PAK5: variants seen among roughly 807,000 people sequenced by gnomAD.
PAK5 encodes p21 (RAC1) activated kinase 5, also known as serine/threonine-protein kinase PAK 5.
In PAK5, 16 loss-of-function variants were observed where a neutral mutation model predicts 65.9. That is an observed-to-expected ratio of 0.24 (90% CI 0.16 to 0.37). PAK5 has a LOEUF of 0.37. PAK5 is among the 10% of genes least tolerant of loss of function. The pLI, the probability that PAK5 is intolerant of heterozygous loss-of-function variation, is 1.00. For missense variants in PAK5, 785 were observed against 903.9 expected (o/e 0.87, Z 1.69); for synonymous variants, 371 against 354.9 (o/e 1.05, Z -0.51).
At chr20:9,558,396 G>A (rs1478332572) in intron 6 of PAK5, among the ~76,000 whole-genome samples, 11 of 152,068 alleles carry the variant, frequency 7.2e-5, no homozygotes, top group African/African-American at 2.4e-4. Context: ...ATTACAGACA[G>A]GAGCCACTGT....
intron 1 of PAK5, among the ~76,000 whole-genome samples, chr20:9,749,442 A>C (rs1005686380): frequency 6.6e-6 from 1 of 152,312 alleles, no homozygotes; most frequent in South Asian, 2.1e-4. Context: ...AAAAATCCTG[A>C]TGACAATGAT....
At position 9,758,849 on chromosome 20, in the gene PAK5, G is replaced by A. The variant is rs116186489; in HGVS notation, c.-161-47414C>T. On this transcript the variant is annotated intron_variant, in intron 1 of 9. Transcript: ENST00000353224. ...CCACAGGCTCCCTTCTTTATAAATT[G>A]TCTACTTTGTCTTCTGCCTGGAGGC... Among the ~76,000 whole-genome samples, 598 of 152,154 alleles carry A rather than the reference G, an allele frequency of 3.9e-3. 6 individuals are homozygous for A. The highest frequency in any genetic ancestry group is 0.014 in the African/African-American group (570 of 41,518).
At chr20:9,683,368 A>C (rs2047675693) in intron 2 of PAK5, among the ~76,000 whole-genome samples, 1 of 152,216 alleles carries the variant, frequency 6.6e-6, no homozygotes, top group Admixed American at 6.5e-5. Flanking sequence ...ATTTCTCAGA[A>C]ATTTCAGAAA....
chr20:9,835,911 A>G (rs1190043149), intron 1 of PAK5, among the ~76,000 whole-genome samples: 1 of 152,088 alleles, frequency 6.6e-6, no homozygotes, highest in Non-Finnish European at 1.5e-5. Flanking sequence ...TATTTAATGC[A>G]TTTTGGTTTT....
At chr20:9,690,630 C>T (rs1216842395) in intron 2 of PAK5, among the ~76,000 whole-genome samples, 1 of 151,932 alleles carries the variant, frequency 6.6e-6, no homozygotes, top group Non-Finnish European at 1.5e-5. Flanking sequence ...GCCCCTGCTT[C>T]CCACCCTGGA....
intron 1 of PAK5, among the ~76,000 whole-genome samples, chr20:9,735,907 T>A (rs2048383907): frequency 6.6e-6 from 1 of 151,480 alleles, no homozygotes; most frequent in Non-Finnish European, 1.5e-5. Flanking sequence ...AATCTATTTT[T>A]TTTTTTTTTT....
intron 1 of PAK5, among the ~76,000 whole-genome samples, chr20:9,751,734 A>G (rs2048579309): frequency 2.0e-5 from 3 of 152,160 alleles, no homozygotes; most frequent in Admixed American, 2.0e-4. Flanking sequence ...CTATTTCCAT[A>G]ACAAAAGATC....
At chr20:9,547,956 G>A (rs891161494) in intron 7 of PAK5, among the ~76,000 whole-genome samples, 3 of 152,242 alleles carry the variant, frequency 2.0e-5, no homozygotes, top group African/African-American at 7.2e-5. Flanking sequence ...GGGGATAAGG[G>A]GGCATTTGTT....
Position 9,537,745 on chromosome 20 carries a change from G to A in PAK5, c.*1717C>T, listed in dbSNP as rs1045762. 0.43 allele frequency: 94,349 copies of A among 220,116 alleles called. 24,695 individuals are homozygous for A. Among genetic ancestry groups the A allele is most frequent in the African/African-American group, 0.8 (35,484 of 44,548 alleles). The allele number at this position is 220,116 out of a possible 1,614,324, so 13.6% of individuals were successfully genotyped here. A position where few individuals can be genotyped will look rare whatever the true frequency, so the allele number is the denominator to read the frequency against. On this transcript the variant is annotated 3_prime_UTR_variant, in exon 10 of 10. Coordinates refer to ENST00000353224, the MANE Select transcript of PAK5 (RefSeq NM_177990.4). ...TTTATTCTCACATATTTATATTAAT[G>A]CTTTAATATTTTACATAAAACATTG...
At position 9,538,649 on chromosome 20, in the gene PAK5, G is replaced by T. The variant is rs560076343; in HGVS notation, c.*813C>A. 1 of 233,320 alleles carries T rather than the reference G, an allele frequency of 4.3e-6. No homozygotes were observed. Among genetic ancestry groups the T allele is most frequent in the East Asian group, 6.1e-5 (1 of 16,524 alleles). The allele number at this position is 233,320 out of a possible 1,614,324, so 14.5% of individuals were successfully genotyped here. A position where few individuals can be genotyped will look rare whatever the true frequency, so the allele number is the denominator to read the frequency against. ...AAAAGAATGGTTTGCTACTAGAGGC[G>T]TTCATGGAAAATGTGATCTTTAAAA... On this transcript the variant is annotated 3_prime_UTR_variant, in exon 10 of 10. Coordinates refer to ENST00000353224, the MANE Select transcript of PAK5 (RefSeq NM_177990.4).
At chr20:9,593,900 T>A (rs2046218989) in intron 3 of PAK5, among the ~76,000 whole-genome samples, 1 of 152,156 alleles carries the variant, frequency 6.6e-6, no homozygotes, top group Non-Finnish European at 1.5e-5. Context: ...ATTTTGTTCC[T>A]TTGAAACCCA....
In PAK5 at chr20:9,644,295, A is replaced by G; in HGVS notation, c.34T>C (p.Ser12Pro). ...CTGTGTTCAAAGTTGGACGGGCCAG[A>G]TATTTCAATCTTTTTCTTTTTCTTC... The part of the protein sequence containing the change: ...FGKKKKKIEI[S>P]GPSNFEHRVH... The change falls in exon 3 of 10, where the codon TCT becomes CCT. Residue 12 changes from serine to proline, a missense_variant. Around this residue, in one of 4 missense-constraint regions of PAK5, gnomAD observed 71 missense variants for 110.2 expected, o/e 0.64. Coordinates refer to ENST00000353224, the MANE Select transcript of PAK5 (RefSeq NM_177990.4). The G allele has an allele frequency of 6.2e-7, 1 of 1,609,184 alleles. No individual in the cohort carries two copies. The highest frequency in any genetic ancestry group is 8.5e-7 in the Non-Finnish European group (1 of 1,178,668).
Position 9,723,618 on chromosome 20 carries a change from T to G in PAK5, c.-161-12183A>C, listed in dbSNP as rs375132414. Among the ~76,000 whole-genome samples the G allele has an allele frequency of 5.9e-5, 9 of 152,332 alleles. No homozygotes were observed. In the East Asian group the frequency reaches 1.7e-3, roughly 29 times the overall value. On this transcript the variant is annotated intron_variant, in intron 1 of 9. Transcript: ENST00000353224. Reference sequence around the variant, plus strand: ...CTGACATCTCCACATTTTCAAATACTTGTGCATTTCGAACTGTTCTTGCAT... The same window carrying G: ...CTGACATCTCCACATTTTCAAATACGTGTGCATTTCGAACTGTTCTTGCAT...
At chr20:9,827,429 A>G (rs1978353477) in intron 1 of PAK5, among the ~76,000 whole-genome samples, 1 of 152,196 alleles carries the variant, frequency 6.6e-6, no homozygotes, top group Non-Finnish European at 1.5e-5. Flanking sequence ...CCATTCATCC[A>G]TAGACATTTA....
chr20:9,560,006 G>A (rs1046455138), intron 6 of PAK5, among the ~76,000 whole-genome samples: 1 of 152,122 alleles, frequency 6.6e-6, no homozygotes, highest in African/African-American at 2.4e-5. Context: ...AATTAATTCA[G>A]AACCAAGAAC....
intron 1 of PAK5, among the ~76,000 whole-genome samples, chr20:9,806,896 T>C (rs1191070139): frequency 6.6e-6 from 1 of 152,148 alleles, no homozygotes; most frequent in African/African-American, 2.4e-5. Flanking sequence ...TGAAAATCAA[T>C]GTATTGGCAG....
At chr20:9,683,863 A>G (rs919214022) in intron 2 of PAK5, among the ~76,000 whole-genome samples, 4 of 152,170 alleles carry the variant, frequency 2.6e-5, no homozygotes, top group African/African-American at 9.7e-5. Context: ...GGATATGGTC[A>G]TGTGACTGAG....
intron 1 of PAK5, among the ~76,000 whole-genome samples, chr20:9,757,315 A>C (rs2123636172): frequency 6.6e-6 from 1 of 152,322 alleles, no homozygotes; most frequent in African/African-American, 2.4e-5. Flanking sequence ...AACTTCTTAA[A>C]GCTGAAGTGT....
At chr20:9,789,553 A>G (rs1326547933) in intron 1 of PAK5, among the ~76,000 whole-genome samples, 1 of 152,136 alleles carries the variant, frequency 6.6e-6, no homozygotes, top group East Asian at 1.9e-4. Context: ...TCCATTATTA[A>G]GAGTCAGTAT....
Sources: gnomAD v4.1 joint callset for allele counts (sites outside exome capture counted in the v4.1 genomes callset) on GRCh38, gnomAD v4.1.1 for gene constraint, gnomAD v4.1.1 regional missense constraint, MANE v1.5 for transcripts, NCBI Gene and HGNC (gene_info 2026-07-23, HGNC 2026-07-21) for gene names.